ADCY5: variants seen among roughly 807,000 people sequenced by gnomAD.
ADCY5 encodes the protein adenylate cyclase type 5.
ADCY5 carries 30 observed loss-of-function variants against 119.7 expected under a neutral mutation model. The ratio of observed to expected loss-of-function variants is 0.25; its 90% CI spans 0.19 to 0.34. ADCY5 has a LOEUF of 0.34. ADCY5 is among the 10% of genes least tolerant of loss of function. The probability of loss-of-function intolerance (pLI) is 1.00; values close to 1 mark genes in which losing one functional copy is unlikely to be tolerated. For synonymous variants in ADCY5, 753 were observed against 762.2 expected (o/e 0.99, Z 0.20); for missense variants, 1,324 against 1,775.2 (o/e 0.75, Z 4.57).
chr3:123,335,343 C>G (rs1338070173), intron 3 of ADCY5, among the ~76,000 whole-genome samples: 1 of 152,172 alleles, frequency 6.6e-6, no homozygotes, highest in African/African-American at 2.4e-5. Flanking sequence ...TAGCAGCAGT[C>G]CTCTCCCGAT....
rs140432678 is a variant in ADCY5, at chr3:123,419,354, C to T, written c.1134+28058G>A. 547 of 255,876 alleles carry T rather than the reference C, an allele frequency of 2.1e-3. 2 individuals are homozygous for T. Among genetic ancestry groups the T allele is most frequent in the African/African-American group, 0.011 (464 of 43,302 alleles). The allele number at this position is 255,876 out of a possible 1,614,324, so 15.9% of individuals were successfully genotyped here. ...CTCATCTTCCACGCCTCCTCTTCCT[C>T]GCTTGCCAAATCCTGTCACTTTTCC... On this transcript the variant is annotated intron_variant, in intron 1 of 20. Transcript: ENST00000462833.
intron 1 of ADCY5, among the ~76,000 whole-genome samples, chr3:123,382,611 A>C (rs1944067386): frequency 6.6e-6 from 1 of 152,256 alleles, no homozygotes; most frequent in Admixed American, 6.5e-5. Context: ...AGATGCTGAC[A>C]CATGCTACAA....
chr3:123,408,337 C>A (rs948136122), intron 1 of ADCY5, among the ~76,000 whole-genome samples: 2 of 148,980 alleles, frequency 1.3e-5, no homozygotes, highest in South Asian at 2.1e-4. Flanking sequence ...ACAAATGTTA[C>A]GTTTTTTGTT....
At chr3:123,349,187 A>G (rs1942717022) in intron 2 of ADCY5, among the ~76,000 whole-genome samples, 2 of 151,950 alleles carry the variant, frequency 1.3e-5, no homozygotes, top group African/African-American at 4.8e-5. Flanking sequence ...GCTTTCCCAC[A>G]TTGTCATTCC....
At chr3:123,307,380 G>T in intron 12 of ADCY5, among the ~76,000 whole-genome samples, 1 of 152,224 alleles carries the variant, frequency 6.6e-6, no homozygotes, top group East Asian at 1.9e-4. Flanking sequence ...CTCACCCAGA[G>T]TGGCTATCAA....
chr3:123,431,894 C>T (rs1057483554), intron 1 of ADCY5, among the ~76,000 whole-genome samples: 4 of 152,152 alleles, frequency 2.6e-5, no homozygotes, highest in African/African-American at 4.8e-5. Flanking sequence ...ATGACCCCTC[C>T]GCTGATGAGG....
chr3:123,378,856 C>G (rs1481164464), intron 1 of ADCY5, among the ~76,000 whole-genome samples: 1 of 152,196 alleles, frequency 6.6e-6, no homozygotes, highest in Non-Finnish European at 1.5e-5. Context: ...CAACATTCCC[C>G]CTTGCCAGGG....
chr3:123,418,735 G>GT (rs1559872000), intron 1 of ADCY5: 1 of 152,166 alleles, frequency 6.6e-6, no homozygotes, highest in Non-Finnish European at 1.5e-5. Context: ...AAATTTCAAC[G>GT]TGAGTTTCGG....
At chr3:123,330,207 C>T (rs1941697806) in intron 5 of ADCY5, among the ~76,000 whole-genome samples, 1 of 152,216 alleles carries the variant, frequency 6.6e-6, no homozygotes, top group Non-Finnish European at 1.5e-5. Context: ...GGCAGCCACT[C>T]CCGCCTCTGA....
At chr3:123,389,153 A>G (rs1235917680) in intron 1 of ADCY5, among the ~76,000 whole-genome samples, 1 of 149,550 alleles carries the variant, frequency 6.7e-6, no homozygotes, top group Non-Finnish European at 1.5e-5. Flanking sequence ...GCTGAGATGG[A>G]GAGGGAAGGC....
At chr3:123,348,092 G>GTGTGTGTGTGT (rs1553732286) in intron 2 of ADCY5, among the ~76,000 whole-genome samples, 189 bp from the exon 3 acceptor site, 3 of 67,192 alleles carry the variant, frequency 4.5e-5, no homozygotes, top group African/African-American at 6.9e-5. Context: ...TGTGTGTGCA[G>GTGTGTGTGTGT]GATACCTGTC....
chr3:123,383,961 C>CAT (rs1553741939), intron 1 of ADCY5, among the ~76,000 whole-genome samples: 1 of 149,982 alleles, frequency 6.7e-6, no homozygotes, highest in Non-Finnish European at 1.5e-5. Context: ...AAGGCACGTG[C>CAT]GCGCGCGCAC....
chr3:123,423,083 G>A (rs990103430), intron 1 of ADCY5, among the ~76,000 whole-genome samples: 7 of 152,162 alleles, frequency 4.6e-5, no homozygotes, highest in Admixed American at 2.0e-4. Flanking sequence ...GCTCAGGAGT[G>A]GGTCAGACAA....
rs935129420 is a variant in ADCY5 at position 123,283,494 on chromosome 3, G to A, written c.*1114C>T. 1 of 151,526 alleles carries A rather than the reference G, an allele frequency of 6.6e-6. No individual in the cohort carries two copies. The highest frequency in any genetic ancestry group is 2.5e-5 in the African/African-American group (1 of 40,754). 9.4% of individuals were successfully genotyped at this position (151,526 alleles called of 1,614,324 possible). Reference sequence around the variant, plus strand: ...TGCATGTGTGTACATACGTGTGCGTGTGTCAGAAAAGATGGGGCAGTGTGT... The same window carrying A: ...TGCATGTGTGTACATACGTGTGCGTATGTCAGAAAAGATGGGGCAGTGTGT... On this transcript the variant is annotated 3_prime_UTR_variant, in exon 21 of 21. Coordinates refer to ENST00000462833, the MANE Select transcript of ADCY5 (RefSeq NM_183357.3).
At position 123,448,073 on chromosome 3, in the gene ADCY5, A is replaced by T; in HGVS notation, c.473T>A (p.Val158Glu). The change falls in exon 1 of 21, where the codon GTG becomes GAG. Residue 158 changes from valine (V) to glutamate (E), a missense_variant. Val to Glu is a moderately radical substitution (Grantham distance 121). Coordinates refer to ENST00000462833, the MANE Select transcript of ADCY5 (RefSeq NM_183357.3). The stretch of plus-strand genomic sequence containing the variant: ...CTTGCCCCGCCGCTCCTCCAGACCC[A>T]CCTCCACCGAGCGAGGGCGCACCTC... ...GTEVRPRSVE[V>E]GLEERRGKGR... 8.1e-7 allele frequency: 1 copy of T among 1,227,692 alleles called. No individual in the cohort carries two copies. The allele number at this position is 1,227,692 out of a possible 1,614,324, so 76.0% of individuals were successfully genotyped here. A position where few individuals can be genotyped will look rare whatever the true frequency, so the allele number is the denominator to read the frequency against.
chr3:123,366,884 G>C lies in ADCY5; in HGVS notation c.1135-14303C>G, dbSNP rs374096181. Among the ~76,000 whole-genome samples the C allele has an allele frequency of 4.6e-5, 7 of 152,128 alleles. No homozygotes were observed. In the East Asian group the frequency reaches 1.2e-3, roughly 25 times the overall value. Reference sequence around the variant, plus strand: ...TGATGGCCAAGGTCTTTGCCACCTGGGACAGTCCATGGAGTGGCCACAGCC... The same window carrying C: ...TGATGGCCAAGGTCTTTGCCACCTGCGACAGTCCATGGAGTGGCCACAGCC... On this transcript the variant is annotated intron_variant, in intron 1 of 20. Coordinates refer to ENST00000462833, the MANE Select transcript of ADCY5 (RefSeq NM_183357.3).
rs184228008 is a variant in ADCY5 at position 123,306,386 on chromosome 3, G to T, written c.2443-2203C>A. Among the ~76,000 whole-genome samples the T allele has an allele frequency of 1.2e-4, 18 of 152,192 alleles. No homozygotes were observed. In the East Asian group the frequency reaches 3.3e-3, roughly 28 times the overall value. ...CCTGTACAAAAATGAACTCAAAATG[G>T]ACCAGAAAACTTAAATGTAAAAGCC... is the stretch of plus-strand genomic sequence containing the variant. On this transcript the variant is annotated intron_variant, in intron 12 of 20. Coordinates refer to ENST00000462833, the MANE Select transcript of ADCY5 (RefSeq NM_183357.3).
In ADCY5 at chr3:123,410,186, G is replaced by C. The variant is rs112633598; in HGVS notation, c.1134+37226C>G. ...GAGAATGAGAAAGGGAGGGAAGGATGGGGGCTGGAACACAGCTCATCACCC... is the reference window on the plus strand; with the variant it reads ...GAGAATGAGAAAGGGAGGGAAGGATCGGGGCTGGAACACAGCTCATCACCC... On this transcript the variant is annotated intron_variant, in intron 1 of 20. Coordinates refer to ENST00000462833, the MANE Select transcript of ADCY5 (RefSeq NM_183357.3). Among the ~76,000 whole-genome samples the C allele has an allele frequency of 4.2e-3, 639 of 152,290 alleles. 4 individuals carry two copies. Among genetic ancestry groups the C allele is most frequent in the African/African-American group, 0.015 (614 of 41,552 alleles).
At chr3:123,356,998 C>T (rs1014469756) in intron 1 of ADCY5, among the ~76,000 whole-genome samples, 1 of 150,572 alleles carries the variant, frequency 6.6e-6, no homozygotes, top group East Asian at 1.9e-4. Flanking sequence ...GACTCAAAAG[C>T]CTACAGACCA....
Sources: allele counts gnomAD v4.1 joint callset (sites outside exome capture counted in the v4.1 genomes callset), GRCh38; gene constraint gnomAD v4.1.1; transcripts MANE v1.5; gene names NCBI Gene and HGNC (gene_info 2026-07-23, HGNC 2026-07-21).